The following HIGD1A variants were observed in gnomAD, a reference collection of about 807,000 sequenced individuals.
HIGD1A encodes HIG1 hypoxia inducible domain family member 1A.
A neutral mutation model predicts 11.3 loss-of-function variants in HIGD1A; 8 were observed. The ratio of observed to expected loss-of-function variants is 0.71; its 90% CI spans 0.42 to 1.28. The LOEUF is 1.28. Among genes scored for constraint, HIGD1A ranks in the 50% most tolerant of loss-of-function variants. HIGD1A has a pLI of 0.01. For missense variants in HIGD1A, 107 were observed against 118.8 expected (o/e 0.90, Z 0.46); for synonymous variants, 32 against 38.4 (o/e 0.83, Z 0.62).
At position 42,785,040 on chromosome 3, in the gene HIGD1A, A is replaced by G; in HGVS notation, c.*231T>C. ...ACACCATCAAGTGCATTTAGGTGAC[A>G]TGTTTAAGTTAACTTGACTTCCTTG... On this transcript the variant is annotated 3_prime_UTR_variant, in exon 4 of 4. Coordinates refer to ENST00000321331, the MANE Select transcript of HIGD1A (RefSeq NM_014056.4). 2.2e-6 allele frequency: 1 copy of G among 450,154 alleles called. No homozygotes were observed. The highest frequency in any genetic ancestry group is 4.0e-6 in the Non-Finnish European group (1 of 247,950). The allele number at this position is 450,154 out of a possible 1,614,324, so 27.9% of individuals were successfully genotyped here.
rs1700607959 is a variant in HIGD1A at position 42,804,289 on chromosome 3, G to A, written c.-23+147C>T. Reference sequence around the variant, plus strand: ...TGCTCGAGGCCGGGCCTGAGCCCCGGCAACTCCACCTCTCCTCCCTCATTC... The same window carrying A: ...TGCTCGAGGCCGGGCCTGAGCCCCGACAACTCCACCTCTCCTCCCTCATTC... On this transcript the variant is annotated intron_variant, in intron 1 of 3. Transcript: ENST00000321331. The A allele has an allele frequency of 3.2e-6, 4 of 1,235,490 alleles. 1 individual carries two copies. Among genetic ancestry groups the A allele is most frequent in the Non-Finnish European group, 4.6e-6 (4 of 872,858 alleles). The allele number at this position is 1,235,490 out of a possible 1,614,324, so 76.5% of individuals were successfully genotyped here.
chr3:42,794,075 C>T (rs1233261367), intron 2 of HIGD1A, 82 bp downstream of exon 2: 6 of 1,357,732 alleles, frequency 4.4e-6, no homozygotes, highest in African/African-American at 3.0e-5. Flanking sequence ...ATGGAAAATA[C>T]ATTCTTTCAG....
At chr3:42,794,601 T>C (rs2125592487) in intron 1 of HIGD1A, among the ~76,000 whole-genome samples, 1 of 152,350 alleles carries the variant, frequency 6.6e-6, no homozygotes, top group South Asian at 2.1e-4. Context: ...ACTAATTTTC[T>C]GGCTATCTTC....
At chr3:42,800,379 C>T (rs930367354) in intron 1 of HIGD1A, among the ~76,000 whole-genome samples, 1 of 151,804 alleles carries the variant, frequency 6.6e-6, no homozygotes, top group Admixed American at 6.6e-5. Context: ...AAAAACATGA[C>T]CTTCTCAAAG....
At chr3:42,793,845 A>G (rs1382543935) in intron 2 of HIGD1A, among the ~76,000 whole-genome samples, 1 of 152,088 alleles carries the variant, frequency 6.6e-6, no homozygotes, top group Non-Finnish European at 1.5e-5. Context: ...GGTGGTGCAC[A>G]CCTGTGGTCC....
chr3:42,785,921 GATA>G, intron 3 of HIGD1A, 104 bp downstream of exon 3: 1 of 950,842 alleles, frequency 1.1e-6, no homozygotes, highest in Non-Finnish European at 1.7e-6. Flanking sequence ...GAGTATAAGT[GATA>G]TTCTCCAACT....
chr3:42,789,866 G>A (rs903314678), intron 2 of HIGD1A, among the ~76,000 whole-genome samples: 5 of 151,948 alleles, frequency 3.3e-5, no homozygotes, highest in East Asian at 1.9e-4. Context: ...GACTACAGGC[G>A]TGTGGCACCA....
intron 1 of HIGD1A, among the ~76,000 whole-genome samples, chr3:42,794,603 G>A (rs1021257021): frequency 1.3e-5 from 2 of 151,980 alleles, no homozygotes; most frequent in African/African-American, 4.8e-5. Context: ...TAATTTTCTG[G>A]CTATCTTCAT....
rs1236772303 is a variant in HIGD1A, at chr3:42,784,515, G to GA, written c.*755dup. ...CAGTTCAATGTTTACAATTCTTATG[G>GA]AAAAAATTAGCAACACACACATTTA... is the stretch of plus-strand genomic sequence containing the variant. On this transcript the variant is annotated 3_prime_UTR_variant, in exon 4 of 4. Coordinates refer to ENST00000321331, the MANE Select transcript of HIGD1A (RefSeq NM_014056.4). 6.6e-6 allele frequency: 1 copy of GA among 152,572 alleles called. No individual in the cohort carries two copies. Among genetic ancestry groups the GA allele is most frequent in the Non-Finnish European group, 1.5e-5 (1 of 68,036 alleles). The allele number at this position is 152,572 out of a possible 1,614,324, so 9.5% of individuals were successfully genotyped here.
Position 42,783,090 on chromosome 3 carries a change from AAG to A in HIGD1A, c.*2179_*2180del, listed in dbSNP as rs2125922654. Among the ~76,000 whole-genome samples, 2 of 152,360 alleles carry A rather than the reference AAG, an allele frequency of 1.3e-5. No individual in the cohort carries two copies. The highest frequency in any genetic ancestry group is 3.9e-4 in the East Asian group (2 of 5,186). On this transcript the variant is annotated 3_prime_UTR_variant, in exon 4 of 4. Transcript: ENST00000321331. ...ATTAAATCATTAATTTCAGCTGACC[AAG>A]AGATTAATGGGAATGTTTTGAGTTT... is the stretch of plus-strand genomic sequence containing the variant.
At chr3:42,785,694 C>T (rs1700340960) in intron 3 of HIGD1A, among the ~76,000 whole-genome samples, 1 of 152,170 alleles carries the variant, frequency 6.6e-6, no homozygotes, top group African/African-American at 2.4e-5. Context: ...CTTTAAGAAT[C>T]TCTCCTTTAA....
intron 2 of HIGD1A, among the ~76,000 whole-genome samples, chr3:42,790,410 G>A (rs1437342751): frequency 2.0e-5 from 3 of 152,192 alleles, no homozygotes; most frequent in Non-Finnish European, 2.9e-5. Flanking sequence ...GCAGGCGCCT[G>A]TAATACCAGC....
At chr3:42,787,600 T>A (rs71615416) in intron 2 of HIGD1A, among the ~76,000 whole-genome samples, 61,774 of 103,698 alleles carry the variant, frequency 0.6, 15,398 homozygotes, top group African/African-American at 0.64. Flanking sequence ...CAAAAATATA[T>A]ATATATATAT....
intron 3 of HIGD1A, 83 bp downstream of exon 3, chr3:42,785,945 C>T (rs4683332): frequency 0.28 from 351,784 of 1,263,474 alleles, 54,673 homozygotes; most frequent in East Asian, 0.65. Flanking sequence ...GCTAAAAGGT[C>T]AGCTAAAAAT....
chr3:42,800,818 T>C (rs900967152), intron 1 of HIGD1A, among the ~76,000 whole-genome samples: 1 of 151,946 alleles, frequency 6.6e-6, no homozygotes, highest in Non-Finnish European at 1.5e-5. Context: ...TCTTATGAGA[T>C]GACCCGGTCC....
chr3:42,795,011 C>T (rs1700476493), intron 1 of HIGD1A, among the ~76,000 whole-genome samples: 1 of 151,898 alleles, frequency 6.6e-6, no homozygotes, highest in Non-Finnish European at 1.5e-5. Flanking sequence ...TTTTTTGAGA[C>T]TGAGTCTTGC....
chr3:42,786,905 A>C (rs532923039), intron 2 of HIGD1A, among the ~76,000 whole-genome samples: 12 of 152,142 alleles, frequency 7.9e-5, no homozygotes, highest in Non-Finnish European at 1.8e-4. Flanking sequence ...CCTCCCTAAT[A>C]ACTGGGACTA....
intron 1 of HIGD1A, among the ~76,000 whole-genome samples, chr3:42,801,266 C>A (rs564019424): frequency 6.6e-6 from 1 of 152,314 alleles, no homozygotes; most frequent in Admixed American, 6.5e-5. Context: ...CCACTGGGTG[C>A]CACCATACTG....
At chr3:42,792,736 T>A (rs970265893) in intron 2 of HIGD1A, among the ~76,000 whole-genome samples, 5 of 150,586 alleles carry the variant, frequency 3.3e-5, no homozygotes, top group Admixed American at 1.3e-4. Context: ...TCCCAGCACT[T>A]TGGGAGGCCG....
Sources: allele counts gnomAD v4.1 joint callset (sites outside exome capture counted in the v4.1 genomes callset), GRCh38; gene constraint gnomAD v4.1.1; transcripts MANE v1.5; gene names NCBI Gene and HGNC (gene_info 2026-07-23, HGNC 2026-07-21).